The following ACCSL variants were observed in gnomAD, a reference collection of about 807,000 sequenced individuals.
ACCSL encodes probable inactive 1-aminocyclopropane-1-carboxylate synthase-like protein 2.
A neutral mutation model predicts 61.7 loss-of-function variants in ACCSL; 55 were observed. That is an observed-to-expected ratio of 0.89 (90% CI 0.72 to 1.12). The LOEUF (loss-of-function observed/expected upper bound fraction) is 1.12. Among genes scored for constraint, ACCSL ranks in the 50% most tolerant of loss-of-function variants. The pLI is 0.00. For missense variants in ACCSL, 632 were observed against 698.0 expected, an observed-to-expected ratio of 0.91 and a Z score of 1.07; for synonymous variants, 258 against 264.3, an observed-to-expected ratio of 0.98 and a Z score of 0.23.
At chr11:44,020,777 C>T in the ACCSL span, among the ~76,000 whole-genome samples, 1 of 152,018 alleles carries the variant, frequency 6.6e-6, no homozygotes, top group Non-Finnish European at 1.5e-5. Flanking sequence ...TTCCTCACCC[C>T]CCTCCCACCA....
chr11:44,018,345 A>T, the ACCSL span, among the ~76,000 whole-genome samples: 1 of 152,204 alleles, frequency 6.6e-6, no homozygotes, highest in Non-Finnish European at 1.5e-5. Flanking sequence ...TGCTCTCACC[A>T]GCTGTGCAGA....
chr11:43,996,438 G>A, the ACCSL span, among the ~76,000 whole-genome samples: 1 of 152,192 alleles, frequency 6.6e-6, no homozygotes, highest in Non-Finnish European at 1.5e-5. Context: ...AGCTTGGTGA[G>A]GATGGGGCAG....
the ACCSL span, among the ~76,000 whole-genome samples, chr11:44,031,515 G>A: frequency 2.5e-3 from 375 of 152,276 alleles, 1 homozygote; most frequent in African/African-American, 8.6e-3. Context: ...CTTTCCCACT[G>A]GGTGGGATTA....
At chr11:43,997,106 C>A in the ACCSL span, among the ~76,000 whole-genome samples, 2 of 151,898 alleles carry the variant, frequency 1.3e-5, no homozygotes, top group African/African-American at 4.8e-5. Context: ...CCACTCCTGG[C>A]CAGGTTCTTA....
chr11:44,000,217 C>T, the ACCSL span, among the ~76,000 whole-genome samples: 3 of 152,132 alleles, frequency 2.0e-5, no homozygotes, highest in Admixed American at 6.5e-5. Flanking sequence ...CTCCGCCTCC[C>T]GGGTGCAAGC....
At chr11:43,925,491 A>G in the ACCSL span, 1 of 455,530 alleles carries the variant, frequency 2.2e-6, no homozygotes, top group Non-Finnish European at 4.4e-6. Context: ...GTCCTCCTGA[A>G]TCTAGTGCCA....
chr11:43,926,454 G>A, the ACCSL span: 1 of 455,284 alleles, frequency 2.2e-6, no homozygotes, highest in Non-Finnish European at 4.4e-6. Context: ...ACTCTGTACA[G>A]AACGCCTTGG....
upstream of ACCSL, among the ~76,000 whole-genome samples, chr11:44,045,017 G>T (rs900885479): frequency 6.6e-6 from 1 of 152,178 alleles, no homozygotes; most frequent in Non-Finnish European, 1.5e-5. Context: ...AGGAATAGGG[G>T]CATTGTTGCC....
the ACCSL span, among the ~76,000 whole-genome samples, chr11:43,922,782 A>G: frequency 6.6e-6 from 1 of 152,164 alleles, no homozygotes; most frequent in East Asian, 1.9e-4. Flanking sequence ...CCTGAATGAC[A>G]CCCAAACTCA....
the ACCSL span, among the ~76,000 whole-genome samples, chr11:43,967,618 G>A: frequency 5.9e-5 from 9 of 152,038 alleles, no homozygotes; most frequent in Non-Finnish European, 1.0e-4. Context: ...ACAGAACACC[G>A]TTTGGTCAGG....
the ACCSL span, among the ~76,000 whole-genome samples, chr11:44,036,460 A>G: frequency 6.6e-6 from 1 of 152,166 alleles, no homozygotes; most frequent in Non-Finnish European, 1.5e-5. Context: ...GGCCCGTTAT[A>G]TGGAACCCAG....
chr11:43,933,277 C>T, the ACCSL span: 1 of 423,246 alleles, frequency 2.4e-6, no homozygotes, highest in Non-Finnish European at 4.8e-6. Context: ...GTCCCTGGAC[C>T]TCAGTGTCCC....
intron 11 of ACCSL, 74 bp downstream of exon 11, chr11:44,056,400 C>CACATCAGAGGCCCAAG: frequency 6.6e-7 from 1 of 1,526,082 alleles, no homozygotes; most frequent in Non-Finnish European, 8.8e-7. Flanking sequence ...TTTGCTTGGG[C>CACATCAGAGGCCCAAG]CTCTGATGTG....
chr11:43,993,498 C>T, the ACCSL span, among the ~76,000 whole-genome samples: 2 of 152,150 alleles, frequency 1.3e-5, no homozygotes, highest in Non-Finnish European at 2.9e-5. Context: ...TCCAAGGCCC[C>T]GGCACCATCT....
chr11:43,988,859 C>T, the ACCSL span, among the ~76,000 whole-genome samples: 562 of 132,206 alleles, frequency 4.3e-3, 3 homozygotes, highest in African/African-American at 0.016. Flanking sequence ...TGGACTTGAG[C>T]TCCTGGGCTC....
chr11:44,024,473 GTGTGTGTGTGTA>G, the ACCSL span, among the ~76,000 whole-genome samples: 1 of 144,778 alleles, frequency 6.9e-6, no homozygotes, highest in Non-Finnish European at 1.5e-5. Context: ...GTGTGTGTGT[GTGTGTGTGTGTA>G]TACATCCTAT....
At chr11:44,014,041 G>A in the ACCSL span, among the ~76,000 whole-genome samples, 1 of 152,210 alleles carries the variant, frequency 6.6e-6, no homozygotes, top group South Asian at 2.1e-4. Flanking sequence ...CCTTCCTGAA[G>A]GGGAAACAGC....
Position 44,056,222 on chromosome 11 carries a change from A to C in ACCSL, c.1223A>C (p.Tyr408Ser). The change falls in exon 11 of 14, where the codon TAT becomes TCT. Residue 408 changes from tyrosine (Y) to serine (S), a missense_variant. By Grantham distance (144) the Tyr-to-Ser change is moderately radical. Transcript: ENST00000378832. Reference sequence around the variant, plus strand: ...TCTGGCTTCCGCTTTGGTGCTCTGTATACCCACAACAAGGAGGTGGCCTCT... The same window carrying C: ...TCTGGCTTCCGCTTTGGTGCTCTGTCTACCCACAACAAGGAGGTGGCCTCT... ...GISGFRFGAL[Y>S]THNKEVASAV... The C allele has an allele frequency of 6.2e-7, 1 of 1,614,182 alleles. No homozygotes were observed. The highest frequency in any genetic ancestry group is 8.5e-7 in the Non-Finnish European group (1 of 1,180,030).
At chr11:43,943,287 CG>C in the ACCSL span, 13 of 1,472,104 alleles carry the variant, frequency 8.8e-6, no homozygotes, top group Middle Eastern at 1.9e-4. The surrounding 1 kb of genome is among the most constrained non-coding windows in gnomAD (Gnocchi z 4.8). Context: ...GCGCCGCCCG[CG>C]GGGGGGACGC....
Sources: gnomAD v4.1 joint callset for allele counts (sites outside exome capture counted in the v4.1 genomes callset) on GRCh38, gnomAD v4.1.1 for gene constraint, Gnocchi (gnomAD v3.1) non-coding constraint, MANE v1.5 for transcripts, NCBI Gene and HGNC (gene_info 2026-07-23, HGNC 2026-07-21) for gene names.